The following GALNT17 variants were observed in gnomAD, a reference collection of about 807,000 sequenced individuals.
GALNT17 encodes the protein UDP-GalNAc:polypeptide N-acetylgalactosaminyltransferase-like 3.
GALNT17 carries 29 observed loss-of-function variants against 63.7 expected under a neutral mutation model. The ratio of observed to expected loss-of-function variants is 0.46; its 90% CI spans 0.34 to 0.62. The LOEUF is 0.62. GALNT17 is among the 20% of genes least tolerant of loss of function. GALNT17 has a pLI of 0.01. For missense variants in GALNT17, 603 were observed against 799.6 expected, an observed-to-expected ratio of 0.75 and a Z score of 2.97; for synonymous variants, 305 against 318.3, an observed-to-expected ratio of 0.96 and a Z score of 0.45.
At chr7:71,642,917 C>T (rs1267595080) in intron 6 of GALNT17, among the ~76,000 whole-genome samples, 1 of 152,194 alleles carries the variant, frequency 6.6e-6, no homozygotes, top group African/African-American at 2.4e-5. Context: ...CAGTGCCCTG[C>T]CTGTCATTAA....
chr7:71,462,381 TACA>T (rs1787466680), intron 5 of GALNT17, among the ~76,000 whole-genome samples: 2 of 152,222 alleles, frequency 1.3e-5, no homozygotes, highest in African/African-American at 4.8e-5. Context: ...CAACTCTGAA[TACA>T]ACAAGACAAG....
chr7:71,429,145 G>A (rs978175571), intron 5 of GALNT17, among the ~76,000 whole-genome samples: 8 of 152,192 alleles, frequency 5.3e-5, no homozygotes, highest in Non-Finnish European at 1.2e-4. Flanking sequence ...CAGCCCCAGT[G>A]TGGACACGAA....
chr7:71,531,834 G>T (rs146157273), intron 5 of GALNT17, among the ~76,000 whole-genome samples: 1 of 152,110 alleles, frequency 6.6e-6, no homozygotes, highest in Non-Finnish European at 1.5e-5. Flanking sequence ...CAAACAGAGC[G>T]GAATGCATAT....
At chr7:71,645,678 A>G (rs1170983088) in intron 6 of GALNT17, among the ~76,000 whole-genome samples, 1 of 152,186 alleles carries the variant, frequency 6.6e-6, no homozygotes, top group Non-Finnish European at 1.5e-5. Context: ...GTTTCCATTC[A>G]ATAAAAGGGA....
At chr7:71,257,034 T>A (rs1790302235) in intron 1 of GALNT17, among the ~76,000 whole-genome samples, 1 of 152,232 alleles carries the variant, frequency 6.6e-6, no homozygotes, top group Non-Finnish European at 1.5e-5. Context: ...GCTGGGTGGC[T>A]GAGCGGCCTC....
chr7:71,505,068 T>C (rs145372486), intron 5 of GALNT17, among the ~76,000 whole-genome samples: 7 of 152,326 alleles, frequency 4.6e-5, no homozygotes, highest in Non-Finnish European at 8.8e-5. Context: ...CTCCTTGCTT[T>C]ATAGGATTAA....
intron 5 of GALNT17, among the ~76,000 whole-genome samples, chr7:71,425,694 G>A (rs528013625): frequency 6.6e-6 from 1 of 152,246 alleles, no homozygotes; most frequent in East Asian, 1.9e-4. Flanking sequence ...TCAACTCCTT[G>A]GAGACCTGTG....
chr7:71,370,128 A>G (rs573487391), intron 2 of GALNT17, among the ~76,000 whole-genome samples: 23 of 152,292 alleles, frequency 1.5e-4, no homozygotes, highest in African/African-American at 5.3e-4. Context: ...CCCATCCTGT[A>G]TGGCATTGTC....
intron 1 of GALNT17, among the ~76,000 whole-genome samples, chr7:71,166,545 G>A (rs1056895370): frequency 7.9e-5 from 12 of 152,122 alleles, no homozygotes; most frequent in African/African-American, 2.7e-4. Flanking sequence ...CCACTGATCT[G>A]CCTCCTGCCT....
At chr7:71,431,952 A>G (rs569082167) in intron 5 of GALNT17, among the ~76,000 whole-genome samples, 1 of 152,262 alleles carries the variant, frequency 6.6e-6, no homozygotes, top group Admixed American at 6.5e-5. Flanking sequence ...AGGCAGGTGG[A>G]TCACCTGAGG....
intron 2 of GALNT17, among the ~76,000 whole-genome samples, chr7:71,378,574 A>G (rs1323627352): frequency 6.6e-6 from 1 of 152,198 alleles, no homozygotes; most frequent in Non-Finnish European, 1.5e-5. Context: ...TGAGGTAGGA[A>G]ATAAGTGATG....
At chr7:71,241,570 C>G (rs549948785) in intron 1 of GALNT17, among the ~76,000 whole-genome samples, 2 of 152,274 alleles carry the variant, frequency 1.3e-5, no homozygotes, top group South Asian at 4.1e-4. Flanking sequence ...TCCCTTTCCT[C>G]TTAGTCTGTT....
chr7:71,274,375 G>T (rs1790647381), intron 1 of GALNT17, among the ~76,000 whole-genome samples: 1 of 152,114 alleles, frequency 6.6e-6, no homozygotes, highest in African/African-American at 2.4e-5. Context: ...ACCTCCTTGT[G>T]CACAAGTGAT....
intron 5 of GALNT17, among the ~76,000 whole-genome samples, chr7:71,492,676 A>G (rs1424286678): frequency 1.3e-5 from 2 of 152,238 alleles, no homozygotes; most frequent in Admixed American, 6.5e-5. Context: ...ACGTCACTCC[A>G]GTTCTCTCAG....
chr7:71,265,098 T>TTTTTTATATATATATATATATATATATA (rs144493671), intron 1 of GALNT17, among the ~76,000 whole-genome samples: 6 of 78,368 alleles, frequency 7.7e-5, no homozygotes, highest in African/African-American at 2.3e-4. Flanking sequence ...CCCATAAATA[T>TTTTTTATATATATATATATATATATATA]TATATATATA....
chr7:71,280,392 G>C (rs767498496), intron 1 of GALNT17, among the ~76,000 whole-genome samples: 25 of 152,090 alleles, frequency 1.6e-4, no homozygotes, highest in Admixed American at 1.5e-3. Flanking sequence ...GTGGCATAGG[G>C]GATTATGTCA....
At chr7:71,559,989 T>C (rs1392576100) in intron 5 of GALNT17, among the ~76,000 whole-genome samples, 2 of 149,354 alleles carry the variant, frequency 1.3e-5, no homozygotes, top group Non-Finnish European at 3.0e-5. Context: ...AGGTCAGGAG[T>C]TCGAGACCAG....
chr7:71,304,448 A>C (rs889782046), intron 1 of GALNT17, among the ~76,000 whole-genome samples: 1 of 152,146 alleles, frequency 6.6e-6, no homozygotes, highest in African/African-American at 2.4e-5. Flanking sequence ...TCTTAAATAC[A>C]TTGTCAAGGA....
chr7:71,510,939 G>A (rs140319824), intron 5 of GALNT17, among the ~76,000 whole-genome samples: 41 of 152,182 alleles, frequency 2.7e-4, no homozygotes, highest in Non-Finnish European at 4.3e-4. Context: ...TTGGGAGGCC[G>A]AGGCAGAAGG....
Sources: gnomAD v4.1 joint callset for allele counts (sites outside exome capture counted in the v4.1 genomes callset) on GRCh38, gnomAD v4.1.1 for gene constraint, MANE v1.5 for transcripts, NCBI Gene and HGNC (gene_info 2026-07-23, HGNC 2026-07-21) for gene names.